The following SCHIP1 variants were observed in gnomAD, a reference collection of about 807,000 sequenced individuals.
The protein encoded by SCHIP1 is schwannomin interacting protein 1.
SCHIP1 carries 8 observed loss-of-function variants against 29.7 expected under a neutral mutation model. The ratio of observed to expected loss-of-function variants is 0.27; its 90% CI spans 0.16 to 0.49. The LOEUF is 0.49. Among genes scored for constraint, SCHIP1 ranks in the 20% least tolerant of loss-of-function variants. The pLI is 0.99. For synonymous variants in SCHIP1, 76 were observed against 94.9 expected (o/e 0.80, Z 1.16); for missense variants, 193 against 294.6 (o/e 0.66, Z 2.52).
the SCHIP1 span, among the ~76,000 whole-genome samples, chr3:159,390,447 G>T: frequency 6.6e-6 from 1 of 151,954 alleles, no homozygotes; most frequent in East Asian, 1.9e-4. Context: ...TTTTCTGGAC[G>T]TTCTGTGTCA....
chr3:159,591,255 ATTTC>A, the SCHIP1 span, among the ~76,000 whole-genome samples: 1 of 152,008 alleles, frequency 6.6e-6, no homozygotes, highest in African/African-American at 2.4e-5. Flanking sequence ...AATACCCTTT[ATTTC>A]TTTCTCTTGC....
the SCHIP1 span, among the ~76,000 whole-genome samples, chr3:159,483,266 G>C: frequency 6.6e-6 from 1 of 152,118 alleles, no homozygotes; most frequent in Admixed American, 6.5e-5. Context: ...GGGATTGCTT[G>C]ACATAATGAT....
the SCHIP1 span, among the ~76,000 whole-genome samples, chr3:159,512,782 A>G: frequency 2.0e-5 from 3 of 152,204 alleles, no homozygotes; most frequent in Non-Finnish European, 2.9e-5. Context: ...CTGTGCTATC[A>G]AATAGTAGGT....
chr3:159,413,125 G>GTCACTATC, the SCHIP1 span, among the ~76,000 whole-genome samples: 1 of 152,132 alleles, frequency 6.6e-6, no homozygotes, highest in African/African-American at 2.4e-5. Flanking sequence ...TGAGAACTCA[G>GTCACTATC]TCACTATCAT....
At chr3:159,382,883 T>G in the SCHIP1 span, among the ~76,000 whole-genome samples, 1 of 152,032 alleles carries the variant, frequency 6.6e-6, no homozygotes, top group African/African-American at 2.4e-5. Flanking sequence ...TTGCATGTCT[T>G]TTTTGGCTGC....
the SCHIP1 span, among the ~76,000 whole-genome samples, chr3:159,665,513 G>C: frequency 6.6e-6 from 1 of 150,798 alleles, no homozygotes. Flanking sequence ...ATATATGTTT[G>C]TTTTTTGTTG....
At chr3:159,853,102 T>C in intron 1 of SCHIP1, 1 of 318,346 alleles carries the variant, frequency 3.1e-6, no homozygotes, top group East Asian at 5.2e-5. Flanking sequence ...TGACAGCAGA[T>C]GGTGGGAAGG....
chr3:159,895,832 A>C (rs1278605453), intron 6 of SCHIP1, among the ~76,000 whole-genome samples: 13 of 152,278 alleles, frequency 8.5e-5, no homozygotes, highest in South Asian at 4.1e-4. Context: ...AATAGCTGGG[A>C]TTACAGGCGC....
chr3:159,712,683 TC>T, the SCHIP1 span, among the ~76,000 whole-genome samples: 94 of 150,860 alleles, frequency 6.2e-4, no homozygotes, highest in African/African-American at 2.2e-3. Context: ...GCCACCACTT[TC>T]TAGCCTGAGT....
the SCHIP1 span, among the ~76,000 whole-genome samples, chr3:159,465,326 T>TGTGTGTGTGTGTGTGTGTTTGTGTGC: frequency 6.6e-6 from 1 of 151,390 alleles, no homozygotes; most frequent in African/African-American, 2.4e-5. Flanking sequence ...TGTGTGTGTG[T>TGTGTGTGTGTGTGTGTGTTTGTGTGC]GTGTGTGTGT....
the SCHIP1 span, among the ~76,000 whole-genome samples, chr3:159,424,559 A>G: frequency 0.17 from 25,578 of 152,214 alleles, 2,472 homozygotes; most frequent in South Asian, 0.37. Flanking sequence ...CCAAATCTAC[A>G]TCTAACTGGT....
At chr3:159,385,581 A>C in the SCHIP1 span, among the ~76,000 whole-genome samples, 3 of 97,298 alleles carry the variant, frequency 3.1e-5, no homozygotes, top group Non-Finnish European at 4.5e-5. Context: ...CAAACAAAAA[A>C]AAAAAAACCA....
At chr3:159,794,955 G>A in the SCHIP1 span, among the ~76,000 whole-genome samples, 1 of 152,160 alleles carries the variant, frequency 6.6e-6, no homozygotes, top group Non-Finnish European at 1.5e-5. Flanking sequence ...CCCACTCCTA[G>A]AGATTCTGAT....
At chr3:159,844,377 TCTC>T (rs1019631844) in intron 1 of SCHIP1, among the ~76,000 whole-genome samples, 30 of 151,884 alleles carry the variant, frequency 2.0e-4, no homozygotes, top group African/African-American at 6.1e-4. Flanking sequence ...CAGAAGGAAT[TCTC>T]CTACAGAATT....
chr3:159,587,610 C>A, the SCHIP1 span, among the ~76,000 whole-genome samples: 1 of 152,120 alleles, frequency 6.6e-6, no homozygotes, highest in South Asian at 2.1e-4. Flanking sequence ...CTAATGCTAT[C>A]CCTCCCCCCT....
chr3:159,423,890 T>A, the SCHIP1 span, among the ~76,000 whole-genome samples: 3 of 151,986 alleles, frequency 2.0e-5, no homozygotes, highest in Non-Finnish European at 4.4e-5. Flanking sequence ...GACAGCAGCA[T>A]TCGTGGTTCA....
chr3:159,738,898 C>T, the SCHIP1 span, among the ~76,000 whole-genome samples: 4 of 152,086 alleles, frequency 2.6e-5, 1 homozygote, highest in South Asian at 4.1e-4. Flanking sequence ...AAACATGGGT[C>T]GGTCTGGGAA....
chr3:159,716,502 AC>A, the SCHIP1 span, among the ~76,000 whole-genome samples: 1 of 152,168 alleles, frequency 6.6e-6, no homozygotes, highest in East Asian at 1.9e-4. Flanking sequence ...TATTCAGGAG[AC>A]CCCTCTCATG....
At chr3:159,575,236 G>A in the SCHIP1 span, among the ~76,000 whole-genome samples, 6 of 152,090 alleles carry the variant, frequency 3.9e-5, no homozygotes, top group African/African-American at 7.2e-5. Flanking sequence ...GCCATCTTGC[G>A]ACTGTCTTTT....
Sources: gnomAD v4.1 joint callset for allele counts (sites outside exome capture counted in the v4.1 genomes callset) on GRCh38, gnomAD v4.1.1 for gene constraint, MANE v1.5 for transcripts, NCBI Gene and HGNC (gene_info 2026-07-23, HGNC 2026-07-21) for gene names.